COL4A6: variants seen among roughly 807,000 people sequenced by gnomAD.
COL4A6 encodes collagen type IV alpha 6 chain.
In COL4A6, 59 loss-of-function variants were observed where a neutral mutation model predicts 126.7. That is an observed-to-expected ratio of 0.47 (90% CI 0.38 to 0.58). The LOEUF is 0.58. Ranked by LOEUF, COL4A6 falls within the 20% of genes least tolerant of loss-of-function variation. The pLI, the probability that COL4A6 is intolerant of heterozygous loss-of-function variation, is 0.00. For synonymous variants in COL4A6, 547 were observed against 496.6 expected, an observed-to-expected ratio of 1.10 and a Z score of -1.35; for missense variants, 1,285 against 1,337.3, an observed-to-expected ratio of 0.96 and a Z score of 0.61.
chrX:108,395,962 G>A (rs946964184), intron 2 of COL4A6, among the ~76,000 whole-genome samples: 3 of 110,966 alleles, frequency 2.7e-5, no homozygotes, highest in Admixed American at 9.6e-5. Context: ...TGTTCACTTT[G>A]GACATTCTAC....
intron 2 of COL4A6, among the ~76,000 whole-genome samples, chrX:108,357,675 C>T (rs978081471): frequency 1.8e-5 from 2 of 111,432 alleles, no homozygotes; most frequent in Non-Finnish European, 3.8e-5. Flanking sequence ...ACTACACATT[C>T]CCCTCTTTCA....
At chrX:108,322,065 C>T (rs1372079457) in intron 2 of COL4A6, among the ~76,000 whole-genome samples, 1 of 111,272 alleles carries the variant, frequency 9.0e-6, no homozygotes, top group African/African-American at 3.3e-5. Flanking sequence ...CATCACCCTA[C>T]GTTTATGAAC....
chrX:108,238,117 T>C (rs1193755653), intron 3 of COL4A6, among the ~76,000 whole-genome samples: 4 of 105,978 alleles, frequency 3.8e-5, no homozygotes, highest in African/African-American at 1.4e-4. Flanking sequence ...TGTGTGTTTT[T>C]TTTTTTTGAG....
At chrX:108,388,644 T>C (rs2148161887) in intron 2 of COL4A6, among the ~76,000 whole-genome samples, 1 of 111,766 alleles carries the variant, frequency 8.9e-6, no homozygotes, top group South Asian at 3.8e-4. Context: ...CTATTTATTT[T>C]GTTGATCTTT....
chrX:108,180,765 T>C, intron 24 of COL4A6, 132 bp downstream of exon 24: 1 of 816,074 alleles, frequency 1.2e-6, no homozygotes, highest in Non-Finnish European at 1.8e-6. Context: ...GCAGCCATCC[T>C]GTTTCCTCAA....
chrX:108,395,305 T>C (rs991424198), intron 2 of COL4A6, among the ~76,000 whole-genome samples: 24 of 111,892 alleles, frequency 2.1e-4, no homozygotes, highest in Non-Finnish European at 3.4e-4. Context: ...CAGTTGAAAG[T>C]TGAAATAACT....
chrX:108,314,410 G>C (rs760026397), intron 2 of COL4A6, among the ~76,000 whole-genome samples: 1 of 111,731 alleles, frequency 9.0e-6, no homozygotes, highest in South Asian at 3.8e-4. Flanking sequence ...CCAAATTCAA[G>C]TTCTATATTT....
chrX:108,407,352 G>A (rs1205454072), intron 2 of COL4A6, among the ~76,000 whole-genome samples: 3 of 112,060 alleles, frequency 2.7e-5, no homozygotes, highest in Non-Finnish European at 5.6e-5. Flanking sequence ...TGGGACTCTT[G>A]ATTCAGGGGA....
At chrX:108,237,592 T>C (rs2036459535) in intron 3 of COL4A6, among the ~76,000 whole-genome samples, 1 of 112,073 alleles carries the variant, frequency 8.9e-6, no homozygotes, top group Non-Finnish European at 1.9e-5. Context: ...TGGTTGGAGT[T>C]GATGTCTCCC....
intron 3 of COL4A6, among the ~76,000 whole-genome samples, chrX:108,248,347 G>C (rs1471528159): frequency 9.0e-6 from 1 of 111,312 alleles, no homozygotes; most frequent in Non-Finnish European, 1.9e-5. Context: ...ACTTCACTCT[G>C]TGGTCTGAAG....
upstream of COL4A6, chrX:108,439,444 G>T (rs929331595): frequency 5.6e-6 from 3 of 539,505 alleles, no homozygotes; most frequent in Non-Finnish European, 8.3e-6. Flanking sequence ...TGAGCAGCTG[G>T]AAGGTAAAGA....
chrX:108,268,657 C>A, intron 3 of COL4A6: 1 of 119,112 alleles, frequency 8.4e-6, no homozygotes, highest in Non-Finnish European at 1.8e-5. Flanking sequence ...AAAGCAGGGG[C>A]AAGAATATCC....
Position 108,171,402 on chromosome X carries a change from C to T in COL4A6, c.3262G>A (p.Glu1088Lys), listed in dbSNP as rs761062169. The change falls in exon 33 of 45, where the codon GAA (glutamate) becomes AAA (lysine). Residue 1088 changes from glutamate to lysine, a missense_variant. Transcript: ENST00000334504. Reference sequence around the variant, plus strand: ...GCAACCTTACCTTTAAAACCAGATTCGCCAGGCTGTCCCTTGGGTCCTGGG... The same window carrying T: ...GCAACCTTACCTTTAAAACCAGATTTGCCAGGCTGTCCCTTGGGTCCTGGG... ...GSPGPKGQPG[E>K]SGFKGTKGRD... 35 of 1,208,842 alleles carry T rather than the reference C, an allele frequency of 2.9e-5. No homozygotes were observed. In the Admixed American group the frequency reaches 5.3e-4, roughly 18 times the overall value.
intron 2 of COL4A6, among the ~76,000 whole-genome samples, chrX:108,428,364 T>C (rs1330595383): frequency 1.8e-5 from 2 of 111,484 alleles, no homozygotes; most frequent in African/African-American, 6.5e-5. Context: ...CAAACATCAA[T>C]TGCCAAAATT....
intron 3 of COL4A6, among the ~76,000 whole-genome samples, chrX:108,299,698 C>A (rs1309141455): frequency 8.9e-6 from 1 of 111,931 alleles, no homozygotes; most frequent in Non-Finnish European, 1.9e-5. Context: ...TTTCTTGGGG[C>A]TAAAGAAATG....
rs745503829 is a variant in COL4A6 at position 108,211,902 on chromosome X, C to T, written c.442-162G>A. On this transcript the variant is annotated intron_variant, in intron 6 of 44. Transcript: ENST00000334504. ...TAAGGGGCAAAACACATTCCTTGAC[C>T]GGGTGCTCTGATTCAGAGCTATATG... 8.9e-5 allele frequency among the ~76,000 whole-genome samples: 10 copies of T among 112,038 alleles called. No homozygotes were observed. In the South Asian group the frequency reaches 1.1e-3, roughly 13 times the overall value.
intron 3 of COL4A6, among the ~76,000 whole-genome samples, chrX:108,261,706 C>T (rs1352640926): frequency 9.0e-6 from 1 of 111,530 alleles, no homozygotes; most frequent in Non-Finnish European, 1.9e-5. Flanking sequence ...ATCAGGAGGA[C>T]ACTGGATCAA....
intron 2 of COL4A6, among the ~76,000 whole-genome samples, chrX:108,417,875 C>T (rs763973088): frequency 1.8e-5 from 2 of 111,441 alleles, no homozygotes; most frequent in East Asian, 5.6e-4. Flanking sequence ...GATTCATGAA[C>T]CTATTTGAGA....
chrX:108,273,166 C>T (rs944612888), intron 3 of COL4A6, among the ~76,000 whole-genome samples: 10 of 110,276 alleles, frequency 9.1e-5, no homozygotes, highest in South Asian at 7.8e-4. Flanking sequence ...TAAAAGTGGG[C>T]GAAGGATATG....
Sources: allele counts gnomAD v4.1 joint callset (sites outside exome capture counted in the v4.1 genomes callset), GRCh38; gene constraint gnomAD v4.1.1; transcripts MANE v1.5; gene names NCBI Gene and HGNC (gene_info 2026-07-23, HGNC 2026-07-21).